The following NELL1 variants were observed in gnomAD, a reference collection of about 807,000 sequenced individuals.
The protein encoded by NELL1 is neural EGFL like 1.
NELL1 carries 76 observed loss-of-function variants against 107.4 expected under a neutral mutation model. The ratio of observed to expected loss-of-function variants is 0.71; its 90% CI spans 0.59 to 0.86. The LOEUF (loss-of-function observed/expected upper bound fraction) is 0.86. Ranked by LOEUF, NELL1 falls within the 40% of genes least tolerant of loss-of-function variation. NELL1 has a pLI of 0.00. For missense variants in NELL1, 1,024 were observed against 1,005.5 expected, an observed-to-expected ratio of 1.02 and a Z score of -0.25; for synonymous variants, 353 against 341.2, an observed-to-expected ratio of 1.03 and a Z score of -0.38.
intron 15 of NELL1, among the ~76,000 whole-genome samples, chr11:21,449,720 T>G (rs1853531318): frequency 1.3e-5 from 2 of 152,324 alleles, no homozygotes; most frequent in South Asian, 2.1e-4. Context: ...GAGTTCATTT[T>G]TGCAGCTGGG....
chr11:21,000,711 T>C (rs1178482822), intron 12 of NELL1, among the ~76,000 whole-genome samples: 1 of 152,220 alleles, frequency 6.6e-6, no homozygotes, highest in Non-Finnish European at 1.5e-5. Context: ...GATGAGGCTT[T>C]TGATAGACAT....
At chr11:21,554,788 A>T (rs1352465655) in intron 16 of NELL1, among the ~76,000 whole-genome samples, 1 of 151,838 alleles carries the variant, frequency 6.6e-6, no homozygotes, top group Non-Finnish European at 1.5e-5. Context: ...GAGTCGTACA[A>T]CTAATAAATT....
intron 13 of NELL1, among the ~76,000 whole-genome samples, chr11:21,125,252 A>G (rs981478780): frequency 3.3e-5 from 5 of 152,204 alleles, no homozygotes; most frequent in African/African-American, 1.2e-4. Context: ...CAGTATTTCC[A>G]TAGGAAAGCA....
At chr11:20,774,524 C>T (rs1054084194) in intron 2 of NELL1, among the ~76,000 whole-genome samples, 2 of 120,140 alleles carry the variant, frequency 1.7e-5, no homozygotes, top group African/African-American at 5.1e-5. Flanking sequence ...TGCTACCATG[C>T]CTGGCTCTAC....
intron 13 of NELL1, 143 bp downstream of exon 13, chr11:21,113,857 GA>G (rs763274993): frequency 1.3e-4 from 103 of 813,136 alleles, no homozygotes; most frequent in Non-Finnish European, 1.7e-4. Flanking sequence ...CACCTTTTGA[GA>G]AAAAAGCAAT....
rs570138898 is a variant in NELL1 at position 20,717,867 on chromosome 11, G to A, written c.184+39807G>A. On this transcript the variant is annotated intron_variant, in intron 2 of 19. Coordinates refer to ENST00000357134, the MANE Select transcript of NELL1 (RefSeq NM_006157.5). The stretch of plus-strand genomic sequence containing the variant: ...ATCATAAATCAGTACCCAGCACAAT[G>A]TGTGACACTCAATGCAAGTGCATAT... Among the ~76,000 whole-genome samples the A allele has an allele frequency of 3.3e-5, 5 of 152,202 alleles. No homozygotes were observed. In the South Asian group the frequency reaches 8.3e-4, roughly 25 times the overall value.
At chr11:21,281,672 T>C (rs993519670) in intron 14 of NELL1, among the ~76,000 whole-genome samples, 2 of 152,062 alleles carry the variant, frequency 1.3e-5, no homozygotes, top group Non-Finnish European at 2.9e-5. Context: ...GGTACTTGTG[T>C]CACTCCACCC....
In NELL1 at chr11:21,156,938, C is replaced by CAA. The variant is rs374536207; in HGVS notation, c.1426+43237_1426+43238dup. ...TGGAACCCCGCCTCTACTAAAAATA[C>CAA]AAAAAAAAAAAAAATTAGCCAGATG... On this transcript the variant is annotated intron_variant, in intron 13 of 19. Coordinates refer to ENST00000357134, the MANE Select transcript of NELL1 (RefSeq NM_006157.5). Among the ~76,000 whole-genome samples the CAA allele has an allele frequency of 5.2e-3, 724 of 139,600 alleles. 5 individuals are homozygous for CAA. Among genetic ancestry groups the CAA allele is most frequent in the East Asian group, 0.015 (73 of 4,766 alleles). The allele number at this position is 139,600 out of a possible 152,430, so 91.6% of individuals were successfully genotyped here. A position where few individuals can be genotyped will look rare whatever the true frequency, so the allele number is the denominator to read the frequency against.
At chr11:21,148,530 C>T (rs1198984951) in intron 13 of NELL1, among the ~76,000 whole-genome samples, 1 of 152,210 alleles carries the variant, frequency 6.6e-6, no homozygotes, top group Non-Finnish European at 1.5e-5. Context: ...GTGGATATCA[C>T]TTAACAGGGT....
chr11:21,430,445 A>T (rs541307018), intron 15 of NELL1, among the ~76,000 whole-genome samples: 1 of 152,294 alleles, frequency 6.6e-6, no homozygotes, highest in East Asian at 1.9e-4. Flanking sequence ...GAAAGCTGAG[A>T]CACTTTAGCC....
chr11:21,211,936 G>A (rs752710943), intron 13 of NELL1, among the ~76,000 whole-genome samples: 9 of 151,844 alleles, frequency 5.9e-5, no homozygotes, highest in Non-Finnish European at 8.8e-5. Context: ...AATGATTCTC[G>A]TGCCTCAGCT....
intron 2 of NELL1, among the ~76,000 whole-genome samples, chr11:20,717,584 C>T (rs879693891): frequency 2.0e-5 from 3 of 152,102 alleles, no homozygotes; most frequent in Middle Eastern, 3.2e-3. Flanking sequence ...AGAGTCTTGA[C>T]TGGGGTTTGA....
At chr11:20,928,554 A>G in intron 9 of NELL1, 75 bp downstream of exon 9, 1 of 1,177,432 alleles carries the variant, frequency 8.5e-7, no homozygotes, top group Non-Finnish European at 1.3e-6. Flanking sequence ...GTTTTTCTGG[A>G]CTCAACTGAT....
At chr11:20,783,420 A>G (rs1337935100) in intron 2 of NELL1, among the ~76,000 whole-genome samples, 1 of 152,242 alleles carries the variant, frequency 6.6e-6, no homozygotes, top group Non-Finnish European at 1.5e-5. Context: ...GCATGGTGAC[A>G]GAGACAGCAT....
At chr11:21,331,636 G>A (rs2133686283) in intron 14 of NELL1, among the ~76,000 whole-genome samples, 2 of 152,066 alleles carry the variant, frequency 1.3e-5, no homozygotes, top group African/African-American at 4.8e-5. Context: ...TATTGTTTTG[G>A]ACAATGCTGT....
intron 12 of NELL1, among the ~76,000 whole-genome samples, chr11:20,999,878 G>A (rs1852177219): frequency 6.6e-6 from 1 of 152,090 alleles, no homozygotes; most frequent in Admixed American, 6.6e-5. Flanking sequence ...TGGTGTTAAA[G>A]TTTTAGCTCT....
intron 13 of NELL1, among the ~76,000 whole-genome samples, chr11:21,116,770 A>T (rs1043252046): frequency 6.6e-6 from 1 of 151,856 alleles, no homozygotes; most frequent in Admixed American, 6.6e-5. Context: ...TATATCACCT[A>T]TTACCATCTT....
intron 2 of NELL1, among the ~76,000 whole-genome samples, chr11:20,727,116 A>T (rs1006789736): frequency 6.6e-6 from 1 of 152,190 alleles, no homozygotes; most frequent in Non-Finnish European, 1.5e-5. Flanking sequence ...ATACCCAGTA[A>T]TGGGATGGCT....
In NELL1 at chr11:21,058,753, G is replaced by A. The variant is rs181448688; in HGVS notation, c.1301-54836G>A. On this transcript the variant is annotated intron_variant, in intron 12 of 19. Transcript: ENST00000357134. The stretch of plus-strand genomic sequence containing the variant: ...TATTATTTATATAAACAGGGCTTTA[G>A]CACTCTAGAATATCTTATGGAAATG... Among the ~76,000 whole-genome samples the A allele has an allele frequency of 1.1e-3, 172 of 152,210 alleles. 1 individual carries two copies. Among genetic ancestry groups the A allele is most frequent in the Non-Finnish European group, 2.2e-4 (15 of 68,006 alleles).
Sources: gnomAD v4.1 joint callset for allele counts (sites outside exome capture counted in the v4.1 genomes callset) on GRCh38, gnomAD v4.1.1 for gene constraint, MANE v1.5 for transcripts, NCBI Gene and HGNC (gene_info 2026-07-23, HGNC 2026-07-21) for gene names.